The following ANK2 variants were observed in gnomAD, a reference collection of about 807,000 sequenced individuals.
The protein encoded by ANK2 is ankyrin-2.
Under a neutral mutation model 360.5 loss-of-function variants are expected in ANK2, and 83 were observed. The observed-to-expected ratio is 0.23, with a 90% CI of 0.19 to 0.28. The LOEUF is 0.28. Ranked by LOEUF, ANK2 falls within the 10% of genes least tolerant of loss-of-function variation. The pLI, the probability that ANK2 is intolerant of heterozygous loss-of-function variation, is 1.00. For synonymous variants in ANK2, 1,740 were observed against 1,759.5 expected, an observed-to-expected ratio of 0.99 and a Z score of 0.28; for missense variants, 4,201 against 4,795.7, an observed-to-expected ratio of 0.88 and a Z score of 3.66.
the ANK2 span, among the ~76,000 whole-genome samples, chr4:112,753,578 A>T: frequency 6.6e-6 from 1 of 152,160 alleles, no homozygotes; most frequent in Non-Finnish European, 1.5e-5. Context: ...ATATTGGCAC[A>T]AGATACGGGT....
chr4:113,194,003 T>C (rs1182762484), intron 2 of ANK2, among the ~76,000 whole-genome samples: 2 of 152,216 alleles, frequency 1.3e-5, no homozygotes, highest in Non-Finnish European at 2.9e-5. Context: ...AATTAAATCA[T>C]TGACAATATA....
At chr4:112,724,064 C>CT in the ANK2 span, among the ~76,000 whole-genome samples, 1,537 of 135,108 alleles carry the variant, frequency 0.011, 12 homozygotes, top group South Asian at 0.017. Context: ...CAGGAAAAAT[C>CT]TTTTTTTTTT....
In ANK2 at chr4:113,240,603, C is replaced by A. The variant is rs750313251; in HGVS notation, c.792+20C>A. 24 of 1,574,904 alleles carry A rather than the reference C, an allele frequency of 1.5e-5. No individual in the cohort carries two copies. The South Asian group carries it at 2.2e-4, about 15-fold the overall frequency. On this transcript the variant is annotated intron_variant, in intron 8 of 45. Coordinates refer to ENST00000357077, the MANE Select transcript of ANK2 (RefSeq NM_001148.6). The stretch of plus-strand genomic sequence containing the variant: ...GCCAGGGTATGGATTGAAATAGTTT[C>A]TCATTCTAGATAGCAGTAAATGAAT...
chr4:113,348,188 A>G, intron 35 of ANK2, 88 bp from the exon 36 acceptor site: 2 of 1,342,848 alleles, frequency 1.5e-6, no homozygotes, highest in Non-Finnish European at 1.1e-6. Context: ...TTGAAAGGGT[A>G]TTTATTTACT....
chr4:113,126,984 T>C (rs531102765), intron 1 of ANK2, among the ~76,000 whole-genome samples: 9 of 152,208 alleles, frequency 5.9e-5, no homozygotes, highest in Non-Finnish European at 1.3e-4. Flanking sequence ...TTTAGTAAGT[T>C]GTATAAGAGC....
chr4:113,300,582 A>G (rs188774678), intron 22 of ANK2, among the ~76,000 whole-genome samples: 8 of 152,346 alleles, frequency 5.3e-5, no homozygotes, highest in Non-Finnish European at 1.2e-4. Flanking sequence ...AGGAGTACAT[A>G]GCAGCAGATA....
chr4:112,881,897 C>T, intron 1 of ANK2: 1 of 714,464 alleles, frequency 1.4e-6, no homozygotes, highest in Non-Finnish European at 2.6e-6. Flanking sequence ...TCTTTGGTTC[C>T]ACAACTCTCC....
chr4:113,024,640 A>G (rs1194921502), intron 2 of ANK2, among the ~76,000 whole-genome samples: 1 of 152,112 alleles, frequency 6.6e-6, no homozygotes, highest in African/African-American at 2.4e-5. Context: ...TGTCTTTGTA[A>G]TGACTGTATA....
chr4:112,861,364 T>C (rs1041252534), intron 1 of ANK2, among the ~76,000 whole-genome samples: 7 of 152,230 alleles, frequency 4.6e-5, no homozygotes, highest in Non-Finnish European at 1.0e-4. Flanking sequence ...ACAGAATTCT[T>C]CCTGAAGCCA....
chr4:112,835,793 G>A lies in ANK2; in HGVS notation c.-40+17529G>A, dbSNP rs1015041372. Among the ~76,000 whole-genome samples, 117 of 152,288 alleles carry A rather than the reference G, an allele frequency of 7.7e-4. 2 individuals are homozygous for A. The highest frequency in any genetic ancestry group is 4.4e-4 in the Non-Finnish European group (30 of 68,024). ...ACTTTCTGCTAAAATTTGAGGAATA[G>A]ATGGAATAGCACATGCAAATTCTGT... On this transcript the variant is annotated intron_variant, in intron 1 of 30. Transcript: ENST00000503271.
the ANK2 span, among the ~76,000 whole-genome samples, chr4:112,724,766 A>C: frequency 1.1e-4 from 17 of 152,214 alleles, no homozygotes; most frequent in African/African-American, 4.1e-4. Context: ...GAAATTAAAA[A>C]TAGAGCTGCT....
chr4:113,075,577 G>T (rs2079584369), intron 1 of ANK2, among the ~76,000 whole-genome samples: 2 of 152,118 alleles, frequency 1.3e-5, no homozygotes, highest in Non-Finnish European at 2.9e-5. Flanking sequence ...ACATGAGGCT[G>T]GGAAACTCAT....
chr4:112,918,781 A>G (rs944331619), intron 2 of ANK2, among the ~76,000 whole-genome samples: 3 of 152,020 alleles, frequency 2.0e-5, no homozygotes, highest in Admixed American at 6.6e-5. Flanking sequence ...TCTGTTTTTG[A>G]AAATTTGTTG....
chr4:112,886,035 G>A (rs2078266206), intron 1 of ANK2, among the ~76,000 whole-genome samples: 1 of 152,108 alleles, frequency 6.6e-6, no homozygotes, highest in African/African-American at 2.4e-5. Flanking sequence ...AGGAGGCAGG[G>A]ATTAGAGTTT....
In ANK2 at chr4:112,875,688, C is replaced by T. The variant is rs946336707; in HGVS notation, c.-39-28767C>T. ...TCATTACAGCAAATGTGAAATATTT[C>T]CTGGATATTTCTGTGGATATTTCTG... On this transcript the variant is annotated intron_variant, in intron 1 of 30. Transcript: ENST00000503271. Among the ~76,000 whole-genome samples, 6 of 151,564 alleles carry T rather than the reference C, an allele frequency of 4.0e-5. No individual in the cohort carries two copies. In the East Asian group the frequency reaches 1.2e-3, roughly 30 times the overall value.
At position 113,305,361 on chromosome 4, in the gene ANK2, A is replaced by G. The variant is rs114328224; in HGVS notation, c.2548+2522A>G. 9.0e-3 allele frequency among the ~76,000 whole-genome samples: 1,347 copies of G among 150,418 alleles called. 24 individuals carry two copies. Among genetic ancestry groups the G allele is most frequent in the African/African-American group, 0.03 (1,234 of 40,534 alleles). ...TCTCAAAAAAAAAAAAAAAAAAAAT[A>G]GCCTCTCAGATCTGCCTATTGCATT... is the stretch of plus-strand genomic sequence containing the variant. On this transcript the variant is annotated intron_variant, in intron 23 of 45. Coordinates refer to ENST00000357077, the MANE Select transcript of ANK2 (RefSeq NM_001148.6).
At chr4:113,233,964 G>A (rs2099350862) in intron 5 of ANK2, among the ~76,000 whole-genome samples, 1 of 152,142 alleles carries the variant, frequency 6.6e-6, no homozygotes, top group Non-Finnish European at 1.5e-5. Flanking sequence ...GTAACAATAT[G>A]AGACTGCATC....
chr4:112,889,008 G>A (rs182351668), intron 1 of ANK2, among the ~76,000 whole-genome samples: 1 of 152,242 alleles, frequency 6.6e-6, no homozygotes, highest in Non-Finnish European at 1.5e-5. Flanking sequence ...TATATTGGTT[G>A]CCTTAGACTG....
chr4:112,830,382 C>T (rs1176345150), intron 1 of ANK2, among the ~76,000 whole-genome samples: 3 of 152,158 alleles, frequency 2.0e-5, no homozygotes, highest in Admixed American at 6.5e-5. Flanking sequence ...TTATCCTAAG[C>T]AAATTAACAC....
Sources: allele counts gnomAD v4.1 joint callset (sites outside exome capture counted in the v4.1 genomes callset), GRCh38; gene constraint gnomAD v4.1.1; transcripts MANE v1.5; gene names NCBI Gene and HGNC (gene_info 2026-07-23, HGNC 2026-07-21).